PTPRN2: variants seen among roughly 807,000 people sequenced by gnomAD.
PTPRN2 encodes protein tyrosine phosphatase receptor type N2.
PTPRN2 carries 74 observed loss-of-function variants against 118.8 expected under a neutral mutation model. That is an observed-to-expected ratio of 0.62 (90% CI 0.52 to 0.76). The LOEUF is 0.76. Ranked by LOEUF, PTPRN2 falls within the 30% of genes least tolerant of loss-of-function variation. The probability of loss-of-function intolerance (pLI) is 0.00; values close to 1 mark genes in which losing one functional copy is unlikely to be tolerated. For synonymous variants in PTPRN2, 641 were observed against 608.0 expected, an observed-to-expected ratio of 1.05 and a Z score of -0.80; for missense variants, 1,481 against 1,394.4, an observed-to-expected ratio of 1.06 and a Z score of -0.99.
At chr7:157,717,881 C>A (rs553104132) in intron 12 of PTPRN2, among the ~76,000 whole-genome samples, 1 of 152,396 alleles carries the variant, frequency 6.6e-6, no homozygotes, top group African/African-American at 2.4e-5. Context: ...TGCTACCCCG[C>A]GTACCTTTCA....
At chr7:158,261,402 C>T (rs1586021696) in intron 3 of PTPRN2, among the ~76,000 whole-genome samples, 1 of 152,148 alleles carries the variant, frequency 6.6e-6, no homozygotes, top group Non-Finnish European at 1.5e-5. Context: ...AGATTCCCAA[C>T]TGTGTGATCC....
At chr7:157,613,195 C>G (rs915248367) in intron 15 of PTPRN2, among the ~76,000 whole-genome samples, 1 of 152,248 alleles carries the variant, frequency 6.6e-6, no homozygotes, top group Non-Finnish European at 1.5e-5. Flanking sequence ...GGTCCGCAAA[C>G]AGGTCGAGGG....
chr7:157,718,454 G>A (rs1043668914), intron 12 of PTPRN2, among the ~76,000 whole-genome samples: 3 of 152,206 alleles, frequency 2.0e-5, no homozygotes, highest in African/African-American at 7.2e-5. Flanking sequence ...TGTTTGGAGA[G>A]CGCCTTCCTC....
In PTPRN2 at chr7:157,938,604, T is replaced by C. The variant is rs181018438; in HGVS notation, c.1724-39867A>G. On this transcript the variant is annotated intron_variant, in intron 11 of 22. Coordinates refer to ENST00000389418, the MANE Select transcript of PTPRN2 (RefSeq NM_002847.5). ...ATGTGAACCCAGATCTGCTTTGCAC[T>C]GAAGACCTCAATTTTTACTATTAGT... Among the ~76,000 whole-genome samples the C allele has an allele frequency of 9.8e-5, 15 of 152,368 alleles. No individual in the cohort carries two copies. The East Asian group carries it at 2.9e-3, about 29-fold the overall frequency.
rs1035005994 is a variant in PTPRN2 at position 157,784,615 on chromosome 7, C to T, written c.1789-101678G>A. On this transcript the variant is annotated intron_variant, in intron 12 of 22. Coordinates refer to ENST00000389418, the MANE Select transcript of PTPRN2 (RefSeq NM_002847.5). This position sits in a 1 kb window ranked among gnomAD's most constrained non-coding sequence, Gnocchi z 4.6. ...ACCCATGAAACGGGCAGGGGCTGGG[C>T]TGATCCCATATGAAACGGGCAGGGG... Among the ~76,000 whole-genome samples, 1 of 121,358 alleles carries T rather than the reference C, an allele frequency of 8.2e-6. No individual in the cohort carries two copies. Among genetic ancestry groups the T allele is most frequent in the African/African-American group, 3.1e-5 (1 of 32,564 alleles). 79.6% of individuals were successfully genotyped at this position (121,358 alleles called of 152,430 possible). A position where few individuals can be genotyped will look rare whatever the true frequency, so the allele number is the denominator to read the frequency against.
rs541104036 is a variant in PTPRN2 at position 158,266,398 on chromosome 7, G to T, written c.277+50421C>A. On this transcript the variant is annotated intron_variant, in intron 3 of 22. Coordinates refer to ENST00000389418, the MANE Select transcript of PTPRN2 (RefSeq NM_002847.5). ...TTGTCTGGCAGTGAGGCTGGGGACG[G>T]TGTCTGCTGCGGGGTATTGTCTGGC... Among the ~76,000 whole-genome samples the T allele has an allele frequency of 3.1e-3, 463 of 147,380 alleles. 3 individuals are homozygous for T. Among genetic ancestry groups the T allele is most frequent in the African/African-American group, 0.011 (439 of 39,386 alleles).
At position 158,311,086 on chromosome 7, in the gene PTPRN2, A is replaced by T. The variant is rs116624460; in HGVS notation, c.277+5733T>A. 6.0e-3 allele frequency among the ~76,000 whole-genome samples: 918 copies of T among 152,256 alleles called. 15 individuals are homozygous for T. Among genetic ancestry groups the T allele is most frequent in the African/African-American group, 0.021 (880 of 41,550 alleles). On this transcript the variant is annotated intron_variant, in intron 3 of 22. Transcript: ENST00000389418. The stretch of plus-strand genomic sequence containing the variant: ...GATGGGAGGTAAAACAAGACAGGCG[A>T]GCACAGGGAGGGCGCAAATAGAGTG...
At chr7:158,117,600 CAG>C (rs1816829321) in intron 9 of PTPRN2, among the ~76,000 whole-genome samples, 1 of 152,116 alleles carries the variant, frequency 6.6e-6, no homozygotes. Flanking sequence ...AAAATTAACT[CAG>C]AGACACATTT....
At chr7:157,880,511 G>A (rs1336186268) in intron 12 of PTPRN2, among the ~76,000 whole-genome samples, 2 of 152,204 alleles carry the variant, frequency 1.3e-5, no homozygotes, top group African/African-American at 4.8e-5. Flanking sequence ...TTGGCAGAAG[G>A]AGGACCCTGT....
At chr7:157,669,489 C>G in intron 13 of PTPRN2, 1 of 470,900 alleles carries the variant, frequency 2.1e-6, no homozygotes, top group South Asian at 1.5e-5. Context: ...GGCCACAGAG[C>G]TCTGCAGGCC....
chr7:157,670,006 C>T (rs1368189482), intron 13 of PTPRN2, among the ~76,000 whole-genome samples: 1 of 152,210 alleles, frequency 6.6e-6, no homozygotes, highest in Admixed American at 6.5e-5. Context: ...AGCCCCTGCA[C>T]ACTGGTCAGC....
chr7:157,688,817 G>T (rs1484966685), intron 12 of PTPRN2, among the ~76,000 whole-genome samples: 2 of 152,174 alleles, frequency 1.3e-5, no homozygotes, highest in Non-Finnish European at 2.9e-5. Flanking sequence ...CCCGTCCCCT[G>T]CCTGGGCTTT....
chr7:158,188,549 G>A (rs1178161961), intron 5 of PTPRN2, among the ~76,000 whole-genome samples: 6 of 99,254 alleles, frequency 6.0e-5, no homozygotes, highest in African/African-American at 1.9e-4. Flanking sequence ...GGGGAAGGCC[G>A]CCACGCTCGC....
rs1299105212 is a variant in PTPRN2 at position 157,874,743 on chromosome 7, A to G, written c.1788+23930T>C. Among the ~76,000 whole-genome samples, 2 of 151,196 alleles carry G rather than the reference A, an allele frequency of 1.3e-5. No individual in the cohort carries two copies. The highest frequency in any genetic ancestry group is 4.9e-5 in the African/African-American group (2 of 40,930). On this transcript the variant is annotated intron_variant, in intron 12 of 22. Coordinates refer to ENST00000389418, the MANE Select transcript of PTPRN2 (RefSeq NM_002847.5). This position sits in a 1 kb window ranked among gnomAD's most constrained non-coding sequence, Gnocchi z 5.8. The stretch of plus-strand genomic sequence containing the variant: ...CACACACACAGAGACACACTCATGC[A>G]CATACACAGACACACACTCATGCAC...
chr7:158,238,652 G>A (rs901911114), intron 3 of PTPRN2, among the ~76,000 whole-genome samples: 4 of 152,154 alleles, frequency 2.6e-5, no homozygotes, highest in African/African-American at 9.7e-5. Context: ...AGAAGTGGGT[G>A]CCCAGGAAGC....
At chr7:157,818,373 G>A (rs1039639125) in intron 12 of PTPRN2, among the ~76,000 whole-genome samples, 1 of 151,486 alleles carries the variant, frequency 6.6e-6, no homozygotes, top group Non-Finnish European at 1.5e-5. Context: ...GAAATGACAC[G>A]GGGGCTGTGT....
chr7:158,554,789 C>T (rs1826869247), intron 1 of PTPRN2, among the ~76,000 whole-genome samples: 4 of 152,068 alleles, frequency 2.6e-5, no homozygotes, highest in East Asian at 1.9e-4. Flanking sequence ...CCCGATCCAG[C>T]GCAGGAGCAC....
intron 11 of PTPRN2, among the ~76,000 whole-genome samples, chr7:157,904,805 C>G (rs1007782521): frequency 6.6e-6 from 1 of 152,252 alleles, no homozygotes; most frequent in African/African-American, 2.4e-5. Flanking sequence ...CCTCCTGCAT[C>G]GCGAACGCTG....
intron 1 of PTPRN2, among the ~76,000 whole-genome samples, chr7:158,543,813 T>G (rs2129449702): frequency 6.6e-6 from 1 of 152,350 alleles, no homozygotes; most frequent in African/African-American, 2.4e-5. Context: ...AAAAATCTAC[T>G]GAGACCGGAT....
Sources: allele counts gnomAD v4.1 joint callset (sites outside exome capture counted in the v4.1 genomes callset), GRCh38; gene constraint gnomAD v4.1.1; non-coding constraint Gnocchi (gnomAD v3.1); transcripts MANE v1.5; gene names NCBI Gene and HGNC (gene_info 2026-07-23, HGNC 2026-07-21).